APLF: variants seen among roughly 807,000 people sequenced by gnomAD.
The protein encoded by APLF is aprataxin and PNK-like factor.
APLF carries 61 observed loss-of-function variants against 55.6 expected under a neutral mutation model. The observed-to-expected ratio is 1.10, with a 90% CI of 0.89 to 1.36. APLF has a LOEUF of 1.36. Among genes scored for constraint, APLF ranks in the 40% most tolerant of loss-of-function variants. The pLI is 0.00. For synonymous variants in APLF, 207 were observed against 214.8 expected (o/e 0.96, Z 0.32); for missense variants, 611 against 602.5 (o/e 1.01, Z -0.15).
At chr2:68,526,020 A>G (rs1377390689) in intron 5 of APLF, 41 bp from the exon 6 acceptor site, 1 of 1,539,360 alleles carries the variant, frequency 6.5e-7, no homozygotes, top group East Asian at 2.3e-5. Context: ...ACATTTGAAG[A>G]TACAGAAGAT....
In APLF at chr2:68,537,907, T is replaced by G; in HGVS notation, c.840T>G (p.Ser280Arg). The G allele has an allele frequency of 6.3e-7, 1 of 1,599,162 alleles. No homozygotes were observed. Among genetic ancestry groups the G allele is most frequent in the South Asian group, 1.1e-5 (1 of 87,586 alleles). The part of the protein sequence containing the change: ...MPQSFSAITL[S>R]NTEMNNIKTN... ...AATCATTTTCTGCAATCACATTAAG[T>G]AACACAGAGATGAATAATATTAAGA... The change falls in exon 7 of 10, where the codon AGT becomes AGG. Residue 280 changes from serine to arginine, a missense_variant. Physicochemically the swap from Ser to Arg is moderately radical, Grantham distance 110. Coordinates refer to ENST00000303795, the MANE Select transcript of APLF (RefSeq NM_173545.3).
intron 5 of APLF, among the ~76,000 whole-genome samples, chr2:68,515,081 A>G (rs568274863): frequency 3.3e-5 from 5 of 151,908 alleles, no homozygotes; most frequent in African/African-American, 1.2e-4. Flanking sequence ...TGGATCACAT[A>G]TATTATGTAC....
At chr2:68,538,774 A>G (rs1440747307) in intron 7 of APLF, among the ~76,000 whole-genome samples, 1 of 149,942 alleles carries the variant, frequency 6.7e-6, no homozygotes, top group Non-Finnish European at 1.5e-5. Flanking sequence ...TCAAATTATA[A>G]TCTCTTAGTT....
intron 7 of APLF, among the ~76,000 whole-genome samples, chr2:68,539,011 A>C (rs74763079): frequency 6.6e-6 from 1 of 152,286 alleles, no homozygotes; most frequent in East Asian, 1.9e-4. Flanking sequence ...TTTCTAGAAG[A>C]TAGATATCTT....
At chr2:68,551,013 C>T (rs1253528152) in intron 8 of APLF, among the ~76,000 whole-genome samples, 1 of 151,962 alleles carries the variant, frequency 6.6e-6, no homozygotes, top group Admixed American at 6.6e-5. Context: ...TTAAAAACTT[C>T]TTTGCGTTTT....
In APLF at chr2:68,537,886, A is replaced by G; in HGVS notation, c.819A>G (p.Ser273=). The change falls in exon 7 of 10, where the codon TCA becomes TCG. Residue 273 remains serine, a synonymous_variant. Transcript: ENST00000303795. The stretch of plus-strand genomic sequence containing the variant: ...TTGTTTTACAGGAAATGCCACAATC[A>G]TTTTCTGCAATCACATTAAGTAACA... The part of the protein sequence containing the change: ...STISSKEMPQ[S]FSAITLSNTE... 1 of 1,566,640 alleles carries G rather than the reference A, an allele frequency of 6.4e-7. No individual in the cohort carries two copies. The highest frequency in any genetic ancestry group is 1.2e-5 in the South Asian group (1 of 83,692).
intron 1 of APLF, among the ~76,000 whole-genome samples, chr2:68,489,942 T>C (rs111788168): frequency 6.6e-6 from 1 of 152,310 alleles, no homozygotes; most frequent in African/African-American, 2.4e-5. Flanking sequence ...TGCAAGGTTT[T>C]GGGATCCGTT....
intron 1 of APLF, 112 bp from the exon 2 acceptor site, chr2:68,490,078 A>G (rs969645045): frequency 1.0e-5 from 6 of 588,542 alleles, no homozygotes; most frequent in African/African-American, 5.7e-5. Flanking sequence ...GATATATTTC[A>G]TATCTAGTCT....
rs770884281 is a variant in APLF, at chr2:68,578,053, C to CATTT, written c.*33_*36dup. 6.3e-7 allele frequency: 1 copy of CATTT among 1,591,132 alleles called. No homozygotes were observed. The highest frequency in any genetic ancestry group is 8.5e-7 in the Non-Finnish European group (1 of 1,169,766). On this transcript the variant is annotated 3_prime_UTR_variant, in exon 10 of 10. Coordinates refer to ENST00000303795, the MANE Select transcript of APLF (RefSeq NM_173545.3). ...AACTTCTGTAGTCATATCTGCCTTA[C>CATTT]ATTTACTTTTTCTTTGTGGGAAAAC... is the stretch of plus-strand genomic sequence containing the variant.
chr2:68,528,038 G>A (rs1418472147), intron 6 of APLF, among the ~76,000 whole-genome samples: 19 of 150,126 alleles, frequency 1.3e-4, no homozygotes, highest in African/African-American at 2.2e-4. Context: ...AGGCAGAGGC[G>A]CTCCTCACTG....
At chr2:68,505,052 CAT>C (rs1406274652) in intron 3 of APLF, among the ~76,000 whole-genome samples, 1 of 151,964 alleles carries the variant, frequency 6.6e-6, no homozygotes, top group Non-Finnish European at 1.5e-5. Context: ...ATGTGCATTT[CAT>C]ATATAAATTA....
intron 8 of APLF, among the ~76,000 whole-genome samples, chr2:68,562,029 T>C (rs1274715552): frequency 6.6e-6 from 1 of 152,016 alleles, no homozygotes; most frequent in African/African-American, 2.4e-5. Flanking sequence ...GAAAATGTGG[T>C]ATATATACAC....
At chr2:68,557,891 A>T (rs1037864980) in intron 8 of APLF, among the ~76,000 whole-genome samples, 6 of 151,558 alleles carry the variant, frequency 4.0e-5, no homozygotes, top group Non-Finnish European at 7.4e-5. Context: ...AGCCTGGGCG[A>T]TAGAATGAGA....
At chr2:68,538,273 G>A (rs778592399) in intron 7 of APLF, 46 bp downstream of exon 7, 15 of 1,475,714 alleles carry the variant, frequency 1.0e-5, no homozygotes, top group South Asian at 5.3e-5. Context: ...TTTTGATAGC[G>A]TGTAGCTATG....
At chr2:68,479,842 T>C (rs375776793) in intron 1 of APLF, among the ~76,000 whole-genome samples, 3 of 152,142 alleles carry the variant, frequency 2.0e-5, no homozygotes, top group African/African-American at 7.2e-5. Context: ...CACCCTGAGA[T>C]AGCATGAGCA....
intron 2 of APLF, among the ~76,000 whole-genome samples, chr2:68,496,182 A>G (rs1266058267): frequency 6.6e-6 from 1 of 151,916 alleles, no homozygotes; most frequent in African/African-American, 2.4e-5. Flanking sequence ...GCTCACTGCA[A>G]CCTCCACCTC....
chr2:68,512,413 T>C (rs775161536), intron 3 of APLF, among the ~76,000 whole-genome samples: 2 of 151,792 alleles, frequency 1.3e-5, no homozygotes, highest in Non-Finnish European at 2.9e-5. Context: ...GTTTCATCTA[T>C]AGTTTCAAAT....
chr2:68,478,826 G>C (rs1325193714), intron 1 of APLF, among the ~76,000 whole-genome samples: 1 of 152,220 alleles, frequency 6.6e-6, no homozygotes, highest in Admixed American at 6.5e-5. Context: ...TGCAAATGCA[G>C]TTGGGTTTAT....
rs1573240450 is a variant in APLF, at chr2:68,541,225, A to G, written c.1160+2998A>G. ...ATAGAATATATTCATGACATTGGGC[A>G]AAGATTTCTTAAGCATGTTATAAAA... On this transcript the variant is annotated intron_variant, in intron 7 of 9. Coordinates refer to ENST00000303795, the MANE Select transcript of APLF (RefSeq NM_173545.3). Among the ~76,000 whole-genome samples the G allele has an allele frequency of 9.2e-5, 14 of 152,324 alleles. No homozygotes were observed. The South Asian group carries it at 2.9e-3, about 32-fold the overall frequency.
Sources: gnomAD v4.1 joint callset for allele counts (sites outside exome capture counted in the v4.1 genomes callset) on GRCh38, gnomAD v4.1.1 for gene constraint, MANE v1.5 for transcripts, NCBI Gene and HGNC (gene_info 2026-07-23, HGNC 2026-07-21) for gene names.